CHRNA2: variants seen among roughly 807,000 people sequenced by gnomAD.
The protein encoded by CHRNA2 is neuronal acetylcholine receptor subunit alpha-2.
A neutral mutation model predicts 45.5 loss-of-function variants in CHRNA2; 40 were observed. The observed-to-expected ratio is 0.88, with a 90% CI of 0.68 to 1.15. The LOEUF (loss-of-function observed/expected upper bound fraction) is 1.15, where lower values mean the gene tolerates loss of function less well. Among genes scored for constraint, CHRNA2 ranks in the 50% most tolerant of loss-of-function variants. CHRNA2 has a pLI of 0.00. For missense variants in CHRNA2, 655 were observed against 701.7 expected (o/e 0.93, Z 0.75); for synonymous variants, 301 against 296.7 (o/e 1.01, Z -0.15).
intron 6 of CHRNA2, among the ~76,000 whole-genome samples, chr8:27,462,105 A>G (rs1812512222): frequency 6.6e-6 from 1 of 152,186 alleles, no homozygotes; most frequent in Non-Finnish European, 1.5e-5. Flanking sequence ...CAGTGACTTC[A>G]ATGCAACACC....
At chr8:27,473,691 A>C (rs912939938) in intron 1 of CHRNA2, among the ~76,000 whole-genome samples, 6 of 152,152 alleles carry the variant, frequency 3.9e-5, no homozygotes, top group Non-Finnish European at 8.8e-5. Context: ...CTGGACAACA[A>C]GCAAGATCCC....
intron 5 of CHRNA2, among the ~76,000 whole-genome samples, chr8:27,465,878 C>G (rs1812683382): frequency 1.3e-5 from 2 of 152,288 alleles, no homozygotes; most frequent in South Asian, 2.1e-4. Flanking sequence ...GGATCCATCT[C>G]TAAATGTAAG....
intron 5 of CHRNA2, 102 bp from the exon 6 acceptor site, chr8:27,464,095 A>AC (rs1812622498): frequency 7.5e-7 from 1 of 1,328,634 alleles, no homozygotes. Context: ...ACCAAGTCAG[A>AC]CCCGGCCACA....
At chr8:27,473,621 C>T (rs2086020135) in intron 1 of CHRNA2, among the ~76,000 whole-genome samples, 1 of 149,200 alleles carries the variant, frequency 6.7e-6, no homozygotes, top group South Asian at 2.1e-4. Context: ...AAGGGAGGGT[C>T]GTGTGAGCCT....
intron 5 of CHRNA2, 54 bp downstream of exon 5, chr8:27,467,175 G>C: frequency 7.1e-7 from 1 of 1,411,394 alleles, no homozygotes; most frequent in Admixed American, 1.7e-5. Flanking sequence ...CCATGGACCC[G>C]GCCCCTGCAA....
intron 1 of CHRNA2, among the ~76,000 whole-genome samples, chr8:27,478,285 A>G (rs1243482081): frequency 6.6e-6 from 1 of 152,152 alleles, no homozygotes; most frequent in Non-Finnish European, 1.5e-5. Context: ...TAGCTTTTAT[A>G]TCTGTTTTGC....
At chr8:27,471,825 T>C (rs1812893027) in intron 1 of CHRNA2, among the ~76,000 whole-genome samples, 1 of 152,202 alleles carries the variant, frequency 6.6e-6, no homozygotes, top group African/African-American at 2.4e-5. Context: ...ATCTCCAAAA[T>C]GATATCTTTT....
chr8:27,466,603 ACTT>A (rs1405921489), intron 5 of CHRNA2, among the ~76,000 whole-genome samples: 2 of 152,234 alleles, frequency 1.3e-5, no homozygotes, highest in African/African-American at 4.8e-5. Flanking sequence ...TTTCATTTTA[ACTT>A]CTTTACTTCT....
At chr8:27,462,720 G>A (rs952596727) in intron 6 of CHRNA2, among the ~76,000 whole-genome samples, 10 of 152,108 alleles carry the variant, frequency 6.6e-5, no homozygotes, top group African/African-American at 1.7e-4. Context: ...CTCCCTCTCC[G>A]GCTCTCAGGA....
At chr8:27,469,631 C>A in intron 3 of CHRNA2, 130 bp downstream of exon 3, 1 of 1,202,642 alleles carries the variant, frequency 8.3e-7, no homozygotes, top group South Asian at 1.2e-5. Context: ...CTGGGAAGAG[C>A]CATCCCCAAC....
intron 2 of CHRNA2, 79 bp downstream of exon 2, chr8:27,470,907 A>G: frequency 6.9e-7 from 1 of 1,454,690 alleles, no homozygotes; most frequent in Non-Finnish European, 9.6e-7. Context: ...CAACACATCC[A>G]CCTGCAGACT....
rs1418089410 is a variant in CHRNA2 at position 27,463,873 on chromosome 8, G to A, written c.570C>T (p.Phe190=). 1.9e-6 allele frequency: 3 copies of A among 1,614,102 alleles called. No individual in the cohort carries two copies. The highest frequency in any genetic ancestry group is 2.2e-5 in the South Asian group (2 of 91,082). Residue 190 remains phenylalanine (F), a synonymous_variant, in exon 6 of 7, where the codon TTC becomes TTT. Coordinates refer to ENST00000407991, the MANE Select transcript of CHRNA2 (RefSeq NM_000742.4). This position sits in a 1 kb window ranked among gnomAD's most constrained non-coding sequence, Gnocchi z 6.1. ...KSSCSIDVTF[F]PFDQQNCKMK... ...TCTTGCAGTTCTGCTGGTCGAAGGG[G>A]AAGAAGGTGACGTCGATGCTGCAGG...
intron 1 of CHRNA2, among the ~76,000 whole-genome samples, chr8:27,478,200 C>T (rs893397752): frequency 6.6e-5 from 10 of 152,228 alleles, no homozygotes; most frequent in Admixed American, 1.3e-4. Flanking sequence ...GAAGCCCCTC[C>T]ATTAGAGAAA....
chr8:27,463,413 C>G lies in CHRNA2; in HGVS notation c.1030G>C (p.Val344Leu). Residue 344 changes from valine (V) to leucine (L), a missense_variant, in exon 6 of 7, where the codon GTC (valine) becomes CTC (leucine). Physicochemically the swap from Val to Leu is conservative, Grantham distance 32. Coordinates refer to ENST00000407991, the MANE Select transcript of CHRNA2 (RefSeq NM_000742.4). This position sits in a 1 kb window ranked among gnomAD's most constrained non-coding sequence, Gnocchi z 6.1. ...FTMIFVTLSIVITVFVLNVHH... is the reference protein window; with the variant it reads ...FTMIFVTLSILITVFVLNVHH... ...ACATTGAGCACGAAGACGGTGATGA[C>G]GATGGACAGGGTGACGAAGATCATG... The G allele has an allele frequency of 6.2e-7, 1 of 1,614,084 alleles. No homozygotes were observed. The highest frequency in any genetic ancestry group is 8.5e-7 in the Non-Finnish European group (1 of 1,180,044).
chr8:27,469,235 G>C (rs951972094), intron 4 of CHRNA2, 100 bp downstream of exon 4: 5 of 1,172,314 alleles, frequency 4.3e-6, no homozygotes, highest in Admixed American at 4.0e-5. Context: ...TCAGGGTCTT[G>C]CTGTTCCTTG....
chr8:27,478,411 C>A (rs1813127136), intron 1 of CHRNA2, among the ~76,000 whole-genome samples: 1 of 152,198 alleles, frequency 6.6e-6, no homozygotes. Flanking sequence ...ACAAGCCCAG[C>A]TGTAAAGAAC....
chr8:27,469,323 G>A lies in CHRNA2; in HGVS notation c.339+12C>T, dbSNP rs1199508624. The A allele has an allele frequency of 4.6e-6, 2 of 437,164 alleles. No homozygotes were observed. The highest frequency in any genetic ancestry group is 3.1e-5 in the South Asian group (1 of 32,474). The allele number at this position is 437,164 out of a possible 1,614,324, so 27.1% of individuals were successfully genotyped here. The stretch of plus-strand genomic sequence containing the variant: ...GTACCCGCCACCTGGACTGGAGGAG[G>A]GGGGCCCTCACCTGTTTTAGCCAGA... On this transcript the variant is annotated intron_variant, in intron 4 of 6. Coordinates refer to ENST00000407991, the MANE Select transcript of CHRNA2 (RefSeq NM_000742.4).
At chr8:27,477,431 A>G (rs936410400) in intron 1 of CHRNA2, among the ~76,000 whole-genome samples, 4 of 151,898 alleles carry the variant, frequency 2.6e-5, no homozygotes, top group Non-Finnish European at 5.9e-5. Flanking sequence ...TTTTTTCTCC[A>G]TTAGTGAGAA....
chr8:27,471,285 G>A, intron 1 of CHRNA2, 91 bp from the exon 2 acceptor site: 1 of 503,706 alleles, frequency 2.0e-6, no homozygotes, highest in Non-Finnish European at 3.6e-6. Context: ...CATGAAATGA[G>A]AGCAAAAGGC....
Sources: gnomAD v4.1 joint callset for allele counts (sites outside exome capture counted in the v4.1 genomes callset) on GRCh38, gnomAD v4.1.1 for gene constraint, Gnocchi (gnomAD v3.1) non-coding constraint, MANE v1.5 for transcripts, NCBI Gene and HGNC (gene_info 2026-07-23, HGNC 2026-07-21) for gene names.